The following FMN2 variants were observed in gnomAD, a reference collection of about 807,000 sequenced individuals.
FMN2 encodes the protein formin 2.
A neutral mutation model predicts 142.3 loss-of-function variants in FMN2; 51 were observed. That is an observed-to-expected ratio of 0.36 (90% CI 0.29 to 0.45). The LOEUF (loss-of-function observed/expected upper bound fraction) is 0.45, where lower values mean the gene tolerates loss of function less well. Among genes scored for constraint, FMN2 ranks in the 20% least tolerant of loss-of-function variants. The probability of loss-of-function intolerance (pLI) is 1.00; values close to 1 mark genes in which losing one functional copy is unlikely to be tolerated. For synonymous variants in FMN2, 882 were observed against 869.8 expected, an observed-to-expected ratio of 1.01 and a Z score of -0.25; for missense variants, 1,936 against 2,122.8, an observed-to-expected ratio of 0.91 and a Z score of 1.73.
chr1:240,459,800 C>A (rs529802319), intron 16 of FMN2, among the ~76,000 whole-genome samples: 13 of 138,030 alleles, frequency 9.4e-5, no homozygotes, highest in Non-Finnish European at 1.5e-4. Flanking sequence ...CTAGATTTTT[C>A]ATTTTTAACC....
intron 7 of FMN2, chr1:240,285,374 A>G: frequency 2.3e-6 from 1 of 444,332 alleles, no homozygotes; most frequent in Non-Finnish European, 4.5e-6. Context: ...GCTGTCTGTT[A>G]GACACCCAAG....
chr1:240,213,889 T>G (rs1666786890), intron 6 of FMN2, among the ~76,000 whole-genome samples: 1 of 152,238 alleles, frequency 6.6e-6, no homozygotes, highest in South Asian at 2.1e-4. Flanking sequence ...AGTGTGATAA[T>G]AGAAGATTCC....
At chr1:240,368,392 TA>T (rs1672753068) in intron 14 of FMN2, among the ~76,000 whole-genome samples, 1 of 152,200 alleles carries the variant, frequency 6.6e-6, no homozygotes, top group African/African-American at 2.4e-5. Context: ...ATGTTTCCTT[TA>T]ATATCTGCCC....
At chr1:240,265,939 T>C (rs1330186476) in intron 7 of FMN2, among the ~76,000 whole-genome samples, 1 of 151,584 alleles carries the variant, frequency 6.6e-6, no homozygotes, top group Admixed American at 6.6e-5. Context: ...TTTTCCTTTT[T>C]TCATTGCCCT....
chr1:240,323,137 TTTTCC>T (rs1307649657), intron 8 of FMN2, among the ~76,000 whole-genome samples: 1 of 149,456 alleles, frequency 6.7e-6, no homozygotes, highest in African/African-American at 2.5e-5. Flanking sequence ...CCTTCCTTCC[TTTTCC>T]TTTCCTTTCT....
At chr1:240,097,487 C>G (rs1430794719) in intron 1 of FMN2, among the ~76,000 whole-genome samples, 1 of 151,926 alleles carries the variant, frequency 6.6e-6, no homozygotes, top group East Asian at 1.9e-4. Context: ...TCCTGAGTAG[C>G]TGGGACTACA....
chr1:240,252,448 T>C (rs1420166064), intron 6 of FMN2, among the ~76,000 whole-genome samples: 3 of 152,172 alleles, frequency 2.0e-5, no homozygotes, highest in East Asian at 3.9e-4. Flanking sequence ...CCCAGTCTTT[T>C]GGTGATTAGT....
At chr1:240,228,335 A>AAAAAAAAAAAAAG (rs1667411985) in intron 6 of FMN2, among the ~76,000 whole-genome samples, 1 of 88,542 alleles carries the variant, frequency 1.1e-5, no homozygotes, top group African/African-American at 6.4e-5. Context: ...AAAAAAAAGA[A>AAAAAAAAAAAAAG]AAAGAAAAAG....
At chr1:240,120,388 C>T (rs915454437) in intron 1 of FMN2, among the ~76,000 whole-genome samples, 2 of 152,076 alleles carry the variant, frequency 1.3e-5, no homozygotes, top group Non-Finnish European at 2.9e-5. Flanking sequence ...GCTCATAAAG[C>T]CTAAGATACT....
intron 14 of FMN2, among the ~76,000 whole-genome samples, chr1:240,366,772 A>G (rs1672685969): frequency 6.6e-6 from 1 of 151,976 alleles, no homozygotes; most frequent in South Asian, 2.1e-4. Flanking sequence ...GCTGGTCTCA[A>G]ACTCCCCACC....
At chr1:240,124,282 T>C (rs373448496) in intron 2 of FMN2, among the ~76,000 whole-genome samples, 2 of 152,276 alleles carry the variant, frequency 1.3e-5, no homozygotes, top group African/African-American at 4.8e-5. Flanking sequence ...CGGGGCACAG[T>C]TATTCTTCCC....
At chr1:240,276,740 C>T (rs2102930618) in intron 7 of FMN2, among the ~76,000 whole-genome samples, 1 of 152,178 alleles carries the variant, frequency 6.6e-6, no homozygotes, top group East Asian at 1.9e-4. Flanking sequence ...GTAAAATATC[C>T]TCAAGATTAT....
intron 8 of FMN2, 99 bp from the exon 9 acceptor site, chr1:240,328,977 C>A: frequency 1.0e-6 from 1 of 989,564 alleles, no homozygotes; most frequent in Non-Finnish European, 1.5e-6. Context: ...TAGCGTTTCG[C>A]TGTATTCAGA....
In FMN2 at chr1:240,092,816, C is replaced by A; in HGVS notation, c.707C>A (p.Pro236His). ...LQGAEEPAAP[P>H]TAVSPQPGAF... ...GGCGCCGAGGAGCCTGCAGCGCCCC[C>A]CACTGCCGTCTCCCCTCAGCCCGGG... The change falls in exon 1 of 18, where the codon CCC (proline) becomes CAC (histidine). Residue 236 changes from proline (P) to histidine (H), a missense_variant. Transcript: ENST00000319653. 1.1e-5 allele frequency: 17 copies of A among 1,576,188 alleles called. 1 individual carries two copies. Among genetic ancestry groups the A allele is most frequent in the Non-Finnish European group, 1.5e-5 (17 of 1,162,052 alleles).
At chr1:240,144,918 A>G (rs1008251739) in intron 2 of FMN2, 2 of 1,347,512 alleles carry the variant, frequency 1.5e-6, no homozygotes, top group African/African-American at 1.4e-5. Context: ...TGACTCCATG[A>G]TGCCAATTCC....
intron 1 of FMN2, among the ~76,000 whole-genome samples, chr1:240,096,555 A>G (rs1654223754): frequency 6.6e-6 from 1 of 152,200 alleles, no homozygotes; most frequent in Non-Finnish European, 1.5e-5. Context: ...GGAAATTACC[A>G]GAGGCTTGGG....
intron 8 of FMN2, among the ~76,000 whole-genome samples, chr1:240,295,212 A>T (rs1305049125): frequency 1.3e-5 from 2 of 151,438 alleles, no homozygotes; most frequent in South Asian, 4.2e-4. Context: ...ACACACACAC[A>T]CACACACACA....
At chr1:240,410,889 C>T (rs1674364877) in intron 15 of FMN2, among the ~76,000 whole-genome samples, 1 of 152,196 alleles carries the variant, frequency 6.6e-6, no homozygotes, top group Non-Finnish European at 1.5e-5. Context: ...CAGCCTCCTG[C>T]CCTAGCCAAC....
chr1:240,382,154 A>T (rs928235379), intron 14 of FMN2, among the ~76,000 whole-genome samples: 2 of 152,214 alleles, frequency 1.3e-5, no homozygotes, highest in Non-Finnish European at 2.9e-5. Context: ...AATGTATAAA[A>T]ATAAATATCA....
Sources: allele counts gnomAD v4.1 joint callset (sites outside exome capture counted in the v4.1 genomes callset), GRCh38; gene constraint gnomAD v4.1.1; transcripts MANE v1.5; gene names NCBI Gene and HGNC (gene_info 2026-07-23, HGNC 2026-07-21).